LNP1: variants seen among roughly 807,000 people sequenced by gnomAD.
LNP1 encodes the protein leukemia NUP98 fusion partner 1.
In LNP1, 12 loss-of-function variants were observed where a neutral mutation model predicts 14.5. That is an observed-to-expected ratio of 0.83 (90% CI 0.53 to 1.34). LNP1 has a LOEUF of 1.34. Ranked by LOEUF, LNP1 falls within the 40% of genes most tolerant of loss-of-function variation. The pLI is 0.00. For synonymous variants in LNP1, 75 were observed against 71.4 expected (o/e 1.05, Z -0.26); for missense variants, 198 against 210.9 (o/e 0.94, Z 0.38).
intron 1 of LNP1, among the ~76,000 whole-genome samples, chr3:100,421,368 A>C (rs1181383396): frequency 6.6e-6 from 1 of 152,220 alleles, no homozygotes; most frequent in Non-Finnish European, 1.5e-5. Flanking sequence ...CCACCTATTT[A>C]AATGTAAATC....
At chr3:100,451,576 C>G (rs1476496437) in intron 2 of LNP1, 143 bp from the exon 3 acceptor site, 15 of 596,076 alleles carry the variant, frequency 2.5e-5, no homozygotes, top group Non-Finnish European at 4.1e-5. Context: ...ATTTGGGGGC[C>G]TCAAGTTTTA....
At chr3:100,451,426 G>T (rs2148908590) in intron 2 of LNP1, among the ~76,000 whole-genome samples, 1 of 152,318 alleles carries the variant, frequency 6.6e-6, no homozygotes, top group South Asian at 2.1e-4. Flanking sequence ...TTTCTGATTA[G>T]CCTCTCCAAA....
chr3:100,451,411 T>C (rs1414383704), intron 2 of LNP1, among the ~76,000 whole-genome samples: 1 of 152,118 alleles, frequency 6.6e-6, no homozygotes, highest in Admixed American at 6.5e-5. Context: ...TTGCATTCTT[T>C]TGAGTTTCTG....
intron 1 of LNP1, among the ~76,000 whole-genome samples, chr3:100,421,326 C>T (rs1400018713): frequency 1.3e-5 from 2 of 152,190 alleles, no homozygotes; most frequent in Non-Finnish European, 2.9e-5. Flanking sequence ...GGTCCACCCA[C>T]AGTATGGAGG....
intron 1 of LNP1, among the ~76,000 whole-genome samples, chr3:100,425,562 G>GT (rs1057392038): frequency 6.6e-6 from 1 of 152,080 alleles, no homozygotes; most frequent in Non-Finnish European, 1.5e-5. Flanking sequence ...CAGGTGCCGG[G>GT]TTTTTTTCTT....
chr3:100,452,202 C>CTTTT (rs1321009854), intron 3 of LNP1, among the ~76,000 whole-genome samples: 6 of 129,274 alleles, frequency 4.6e-5, no homozygotes, highest in Non-Finnish European at 6.6e-5. Context: ...GTTTTTCTTT[C>CTTTT]TTTTTTTTTT....
At chr3:100,429,148 A>G (rs1293325535) in intron 1 of LNP1, among the ~76,000 whole-genome samples, 2 of 152,232 alleles carry the variant, frequency 1.3e-5, no homozygotes, top group African/African-American at 4.8e-5. Flanking sequence ...ACCTCAATTT[A>G]AAAAACTACT....
At chr3:100,445,818 G>A (rs1311512354) in intron 2 of LNP1, among the ~76,000 whole-genome samples, 1 of 152,098 alleles carries the variant, frequency 6.6e-6, no homozygotes, top group Non-Finnish European at 1.5e-5. Flanking sequence ...GACAAACAGA[G>A]AGACAAATCA....
chr3:100,430,522 C>T (rs1707233518), intron 2 of LNP1, among the ~76,000 whole-genome samples: 1 of 152,218 alleles, frequency 6.6e-6, no homozygotes, highest in African/African-American at 2.4e-5. Context: ...GACTCAGTGA[C>T]ATGTACAGGC....
intron 2 of LNP1, 74 bp from the exon 3 acceptor site, chr3:100,451,645 T>C: frequency 1.4e-6 from 1 of 735,764 alleles, no homozygotes; most frequent in Middle Eastern, 2.4e-4. Flanking sequence ...GTTACTAGTT[T>C]ATAAACATTC....
In LNP1 at chr3:100,428,459, G is replaced by A. The variant is rs1049400686; in HGVS notation, c.-33-1238G>A. On this transcript the variant is annotated intron_variant, in intron 1 of 3. Coordinates refer to ENST00000383693, the MANE Select transcript of LNP1 (RefSeq NM_001085451.2). ...AGGCAGGAGAATCATTTGAACCTGG[G>A]AAGTGGGGGTTGCAGTGAGCTGAGA... is the stretch of plus-strand genomic sequence containing the variant. Among the ~76,000 whole-genome samples, 8 of 151,716 alleles carry A rather than the reference G, an allele frequency of 5.3e-5. No homozygotes were observed. In the East Asian group the frequency reaches 1.6e-3, roughly 29 times the overall value.
intron 1 of LNP1, among the ~76,000 whole-genome samples, chr3:100,421,119 C>T (rs552585773): frequency 6.6e-6 from 1 of 152,290 alleles, no homozygotes; most frequent in African/African-American, 2.4e-5. Flanking sequence ...GCTGAGATTA[C>T]AGTCATGAGT....
At chr3:100,430,510 T>C (rs1425980104) in intron 2 of LNP1, among the ~76,000 whole-genome samples, 2 of 152,310 alleles carry the variant, frequency 1.3e-5, no homozygotes, top group South Asian at 2.1e-4. Context: ...TGGTCAGCTG[T>C]AGACTCAGTG....
intron 3 of LNP1, among the ~76,000 whole-genome samples, chr3:100,452,585 G>GA (rs963307006): frequency 9.3e-5 from 14 of 150,316 alleles, no homozygotes; most frequent in Non-Finnish European, 1.2e-4. Flanking sequence ...TTTGGAAAAA[G>GA]AAAAAAAAAC....
At chr3:100,423,998 A>G (rs2148902149) in intron 1 of LNP1, among the ~76,000 whole-genome samples, 1 of 152,254 alleles carries the variant, frequency 6.6e-6, no homozygotes, top group Non-Finnish European at 1.5e-5. Flanking sequence ...AAGACTTGAC[A>G]CTTTCTGCTA....
At chr3:100,446,438 C>G (rs568405302) in intron 2 of LNP1, among the ~76,000 whole-genome samples, 27 of 152,240 alleles carry the variant, frequency 1.8e-4, no homozygotes, top group Non-Finnish European at 3.4e-4. Flanking sequence ...ACACCTTATA[C>G]AAAAATTAAT....
At chr3:100,432,893 G>A (rs1707255702) in intron 2 of LNP1, among the ~76,000 whole-genome samples, 1 of 152,122 alleles carries the variant, frequency 6.6e-6, no homozygotes, top group Non-Finnish European at 1.5e-5. Flanking sequence ...AGATCTTTGG[G>A]AGAAGAAACC....
chr3:100,406,395 G>T (rs1310730085), intron 1 of LNP1, among the ~76,000 whole-genome samples: 1 of 152,136 alleles, frequency 6.6e-6, no homozygotes, highest in African/African-American at 2.4e-5. Context: ...TGTTCATTTT[G>T]TACAGCCAGA....
intron 1 of LNP1, among the ~76,000 whole-genome samples, chr3:100,404,562 C>A (rs897407775): frequency 6.6e-6 from 1 of 152,122 alleles, no homozygotes; most frequent in African/African-American, 2.4e-5. Flanking sequence ...TAGAATATGT[C>A]TTCTTCTTTA....
Sources: gnomAD v4.1 joint callset for allele counts (sites outside exome capture counted in the v4.1 genomes callset) on GRCh38, gnomAD v4.1.1 for gene constraint, MANE v1.5 for transcripts, NCBI Gene and HGNC (gene_info 2026-07-23, HGNC 2026-07-21) for gene names.